The following CREB5 variants were observed in gnomAD, a reference collection of about 807,000 sequenced individuals.
CREB5 encodes cyclic AMP-responsive element-binding protein 5.
In CREB5, 19 loss-of-function variants were observed where a neutral mutation model predicts 57.1. That is an observed-to-expected ratio of 0.33 (90% CI 0.23 to 0.49). The LOEUF is 0.49. Ranked by LOEUF, CREB5 falls within the 20% of genes least tolerant of loss-of-function variation. CREB5 has a pLI of 0.99. For synonymous variants in CREB5, 238 were observed against 238.3 expected (o/e 1.00, Z 0.01); for missense variants, 579 against 671.6 (o/e 0.86, Z 1.52).
intron 4 of CREB5, among the ~76,000 whole-genome samples, chr7:28,549,348 C>T (rs755418515): frequency 1.3e-5 from 2 of 152,184 alleles, no homozygotes; most frequent in Non-Finnish European, 1.5e-5. Context: ...GAGTTCAGTA[C>T]AGCATCCTGG....
rs1447092719 is a variant in CREB5, at chr7:28,558,132, T to A, written c.292-12233T>A. The stretch of plus-strand genomic sequence containing the variant: ...GTGATCAAGAGAAAAATGTTATCTC[T>A]TTAAATTCAGATGTCATAAAATAAG... On this transcript the variant is annotated intron_variant, in intron 4 of 10. Transcript: ENST00000357727. Among the ~76,000 whole-genome samples the A allele has an allele frequency of 5.3e-5, 8 of 152,352 alleles. No homozygotes were observed. In the East Asian group the frequency reaches 1.5e-3, roughly 29 times the overall value.
chr7:28,533,779 G>T (rs1343171533), intron 4 of CREB5, among the ~76,000 whole-genome samples: 6 of 152,166 alleles, frequency 3.9e-5, no homozygotes, highest in Non-Finnish European at 8.8e-5. Context: ...TGAATATATT[G>T]TGAGGTTCCC....
intron 5 of CREB5, among the ~76,000 whole-genome samples, chr7:28,690,627 C>G (rs1472685533): frequency 1.3e-5 from 2 of 152,146 alleles, no homozygotes; most frequent in Admixed American, 1.3e-4. Flanking sequence ...CCAGACTGAC[C>G]TCGAGGAGCC....
intron 5 of CREB5, among the ~76,000 whole-genome samples, chr7:28,612,817 C>A (rs1397473065): frequency 1.3e-5 from 2 of 151,940 alleles, no homozygotes; most frequent in Non-Finnish European, 1.5e-5. Context: ...TGTTATTAGT[C>A]GAAGGGGAAA....
chr7:28,326,153 TTATC>T (rs58259868), intron 1 of CREB5, among the ~76,000 whole-genome samples: 27,828 of 145,858 alleles, frequency 0.19, 2,640 homozygotes, highest in African/African-American at 0.21. Context: ...CACACACACA[TTATC>T]TATCTATCTA....
chr7:28,536,226 A>C (rs943931165), intron 4 of CREB5, among the ~76,000 whole-genome samples: 4 of 152,168 alleles, frequency 2.6e-5, no homozygotes, highest in African/African-American at 7.2e-5. Context: ...TTCTATTTCA[A>C]AGTCATAGAA....
intron 1 of CREB5, among the ~76,000 whole-genome samples, chr7:28,483,374 G>T (rs1791417137): frequency 6.6e-6 from 1 of 152,158 alleles, no homozygotes; most frequent in African/African-American, 2.4e-5. Context: ...TCGAGGGTTT[G>T]AATTGTAAAT....
intron 7 of CREB5, among the ~76,000 whole-genome samples, chr7:28,763,758 A>G (rs1805792926): frequency 1.3e-5 from 2 of 151,838 alleles, no homozygotes; most frequent in Non-Finnish European, 2.9e-5. Flanking sequence ...GTTCTTATTC[A>G]TGAGATTTGA....
At chr7:28,465,577 T>G (rs1037671027) in intron 1 of CREB5, among the ~76,000 whole-genome samples, 40 of 152,154 alleles carry the variant, frequency 2.6e-4, no homozygotes, top group African/African-American at 9.4e-4. Flanking sequence ...GGGCCTGAAT[T>G]CAAGTCCTAG....
chr7:28,545,249 G>T (rs899170910), intron 4 of CREB5, among the ~76,000 whole-genome samples: 6 of 152,174 alleles, frequency 3.9e-5, no homozygotes, highest in African/African-American at 1.4e-4. Context: ...AATCGAGAAA[G>T]AATAGAAGGT....
intron 1 of CREB5, among the ~76,000 whole-genome samples, chr7:28,366,494 C>T (rs1278504963): frequency 6.6e-6 from 1 of 152,072 alleles, no homozygotes; most frequent in Non-Finnish European, 1.5e-5. Flanking sequence ...CATATTTTGT[C>T]TTTTTAAAAG....
At chr7:28,718,983 G>A in intron 6 of CREB5, 104 bp downstream of exon 6, 1 of 1,545,060 alleles carries the variant, frequency 6.5e-7, no homozygotes, top group Non-Finnish European at 8.8e-7. Flanking sequence ...TGGGAAAGAA[G>A]GCGACTGCTT....
chr7:28,492,762 A>T (rs1220128636), intron 2 of CREB5, among the ~76,000 whole-genome samples: 4 of 148,808 alleles, frequency 2.7e-5, no homozygotes, highest in Non-Finnish European at 4.5e-5. Context: ...GTGTATATAT[A>T]AAATATAATA....
intron 5 of CREB5, among the ~76,000 whole-genome samples, chr7:28,695,498 G>A (rs1354971000): frequency 6.6e-6 from 1 of 152,210 alleles, no homozygotes; most frequent in Non-Finnish European, 1.5e-5. Flanking sequence ...TCAGGCAGCT[G>A]TGCAGAGACT....
chr7:28,327,130 C>G (rs1785622415), intron 1 of CREB5, among the ~76,000 whole-genome samples: 1 of 120,504 alleles, frequency 8.3e-6, no homozygotes, highest in African/African-American at 3.3e-5. Context: ...GCCTGGGCGA[C>G]AGGGTGAGAC....
At chr7:28,487,386 G>T (rs1219709268) in intron 1 of CREB5, among the ~76,000 whole-genome samples, 2 of 152,060 alleles carry the variant, frequency 1.3e-5, no homozygotes, top group Non-Finnish European at 1.5e-5. Context: ...TGATTATAAG[G>T]TTTTTTTCCT....
intron 1 of CREB5, among the ~76,000 whole-genome samples, chr7:28,378,156 T>C (rs1786881733): frequency 1.3e-5 from 2 of 152,130 alleles, no homozygotes; most frequent in African/African-American, 4.8e-5. Flanking sequence ...CCACCTGAAA[T>C]TGTAAACAAA....
chr7:28,776,211 G>A (rs7795685), intron 7 of CREB5, among the ~76,000 whole-genome samples: 1 of 151,936 alleles, frequency 6.6e-6, no homozygotes, highest in African/African-American at 2.4e-5. Context: ...GGTGGCGGGC[G>A]CCTGTAGTCC....
At chr7:28,561,019 T>TGCGTGCGTGTGTGTGCGTGC (rs796249724) in intron 4 of CREB5, among the ~76,000 whole-genome samples, 1 of 31,356 alleles carries the variant, frequency 3.2e-5, no homozygotes, top group Non-Finnish European at 6.0e-5. Flanking sequence ...TGTGTGTGCG[T>TGCGTGCGTGTGTGTGCGTGC]GTGTGCGTGT....
Sources: allele counts gnomAD v4.1 joint callset (sites outside exome capture counted in the v4.1 genomes callset), GRCh38; gene constraint gnomAD v4.1.1; transcripts MANE v1.5; gene names NCBI Gene and HGNC (gene_info 2026-07-23, HGNC 2026-07-21).